The following SYNE3 variants were observed in gnomAD, a reference collection of about 807,000 sequenced individuals.
SYNE3 encodes nesprin-3.
Under a neutral mutation model 111.2 loss-of-function variants are expected in SYNE3, and 100 were observed. The ratio of observed to expected loss-of-function variants is 0.90; its 90% CI spans 0.77 to 1.06. The LOEUF (loss-of-function observed/expected upper bound fraction) is 1.06. Among genes scored for constraint, SYNE3 ranks in the 50% least tolerant of loss-of-function variants. The probability of loss-of-function intolerance (pLI) is 0.00; values close to 1 mark genes in which losing one functional copy is unlikely to be tolerated. For synonymous variants in SYNE3, 547 were observed against 533.9 expected, an observed-to-expected ratio of 1.02 and a Z score of -0.34; for missense variants, 1,160 against 1,240.3, an observed-to-expected ratio of 0.94 and a Z score of 0.97.
intron 14 of SYNE3, among the ~76,000 whole-genome samples, chr14:95,437,602 C>A (rs183131561): frequency 3.0e-4 from 46 of 152,324 alleles, no homozygotes; most frequent in African/African-American, 1.1e-3. Context: ...GGTCCTGGAC[C>A]TAGGAACTGC....
chr14:95,469,928 C>T (rs938339996), intron 2 of SYNE3, among the ~76,000 whole-genome samples: 2 of 152,110 alleles, frequency 1.3e-5, no homozygotes, highest in African/African-American at 4.8e-5. Flanking sequence ...AAGGACTTCC[C>T]CTCCTACCTT....
chr14:95,499,740 C>T (rs1027663605), intron 1 of SYNE3, among the ~76,000 whole-genome samples: 1 of 152,120 alleles, frequency 6.6e-6, no homozygotes, highest in African/African-American at 2.4e-5. Context: ...CCTTTCTTCT[C>T]CCCAGCAGTC....
intron 3 of SYNE3, 86 bp from the exon 4 acceptor site, chr14:95,466,326 T>G: frequency 7.0e-7 from 1 of 1,424,796 alleles, no homozygotes; most frequent in Non-Finnish European, 9.4e-7. Flanking sequence ...CCCTCCCCAA[T>G]ACTAGGGGGC....
chr14:95,429,386 G>A (rs1269543209), intron 17 of SYNE3, among the ~76,000 whole-genome samples: 1 of 152,218 alleles, frequency 6.6e-6, no homozygotes, highest in Non-Finnish European at 1.5e-5. Flanking sequence ...AACCCAGAGT[G>A]TAAAGTGGTG....
chr14:95,463,764 C>T (rs907866102), intron 4 of SYNE3, among the ~76,000 whole-genome samples: 4 of 152,246 alleles, frequency 2.6e-5, no homozygotes, highest in African/African-American at 9.6e-5. Context: ...CTCTCTGGGG[C>T]CCTGCGGGTT....
In SYNE3 at chr14:95,439,179, AGCCC is replaced by A; in HGVS notation, c.2247-21_2247-18del. On this transcript the variant is annotated intron_variant, in intron 13 of 17. Coordinates refer to ENST00000682763, the MANE Select transcript of SYNE3 (RefSeq NM_152592.6). ...CTGATGAGGCTGAGAAGACAAACTC[AGCCC>A]AGTCAATGCAGAGATGTGGTGGGGA... is the stretch of plus-strand genomic sequence containing the variant. 6.2e-7 allele frequency: 1 copy of A among 1,614,164 alleles called. No individual in the cohort carries two copies. The highest frequency in any genetic ancestry group is 8.5e-7 in the Non-Finnish European group (1 of 1,179,984).
chr14:95,477,741 T>A (rs1467104875), intron 1 of SYNE3, among the ~76,000 whole-genome samples: 2 of 109,012 alleles, frequency 1.8e-5, no homozygotes, highest in Admixed American at 8.8e-5. Context: ...TTCAGACCTG[T>A]TTTGACTTTT....
At chr14:95,428,685 T>C (rs566976569) in intron 17 of SYNE3, among the ~76,000 whole-genome samples, 1 of 152,330 alleles carries the variant, frequency 6.6e-6, no homozygotes, top group East Asian at 1.9e-4. Flanking sequence ...TGCAATATAG[T>C]TGACTCACAG....
chr14:95,468,112 GT>G, intron 2 of SYNE3, 145 bp from the exon 3 acceptor site: 1 of 1,013,564 alleles, frequency 9.9e-7, no homozygotes, highest in Non-Finnish European at 1.4e-6. Flanking sequence ...ACCCCTTCTT[GT>G]GGGGTCTTGG....
chr14:95,439,354 C>T (rs542216198), intron 13 of SYNE3, among the ~76,000 whole-genome samples, 192 bp from the exon 14 acceptor site: 8 of 152,344 alleles, frequency 5.3e-5, no homozygotes, highest in African/African-American at 1.4e-4. Context: ...CATGAACGTG[C>T]GTACGCCCAT....
chr14:95,439,097 T>C lies in SYNE3; in HGVS notation c.2312A>G (p.Asn771Ser), dbSNP rs141609511. 5 of 1,614,162 alleles carry C rather than the reference T, an allele frequency of 3.1e-6. No individual in the cohort carries two copies. Among genetic ancestry groups the C allele is most frequent in the Non-Finnish European group, 4.2e-6 (5 of 1,180,058 alleles). The change falls in exon 14 of 18, where the codon AAC becomes AGC. Residue 771 changes from asparagine (N) to serine (S), a missense_variant. Physicochemically the swap from Asn to Ser is conservative, Grantham distance 46. Coordinates refer to ENST00000682763, the MANE Select transcript of SYNE3 (RefSeq NM_152592.6). ...GAGAAATCCTGACTTTGGGATGTTGTTGGTGAAAACCATTTTCTTCCCCGA... is the reference window on the plus strand; with the variant it reads ...GAGAAATCCTGACTTTGGGATGTTGCTGGTGAAAACCATTTTCTTCCCCGA... ...VDSGKKMVFT[N>S]NIPKSGFLIN... is the part of the protein sequence containing the mutation.
At chr14:95,427,287 G>A (rs1276538263) in intron 17 of SYNE3, among the ~76,000 whole-genome samples, 5 of 152,120 alleles carry the variant, frequency 3.3e-5, no homozygotes, top group African/African-American at 7.2e-5. Context: ...GGAAACACCC[G>A]CCACTTAGCA....
At chr14:95,455,034 A>G (rs1887324234) in intron 6 of SYNE3, among the ~76,000 whole-genome samples, 1 of 152,160 alleles carries the variant, frequency 6.6e-6, no homozygotes, top group African/African-American at 2.4e-5. Flanking sequence ...ACGCAGAGGA[A>G]GCCCACACCT....
rs1247110991 is a variant in SYNE3, at chr14:95,417,893, G to T, written c.2861C>A (p.Thr954Asn). The T allele has an allele frequency of 6.2e-7, 1 of 1,614,248 alleles. No homozygotes were observed. Among genetic ancestry groups the T allele is most frequent in the Non-Finnish European group, 8.5e-7 (1 of 1,180,046 alleles). Residue 954 changes from threonine to asparagine, a missense_variant, in exon 18 of 18, where the codon ACC becomes AAC. Thr to Asn is a moderately conservative substitution (Grantham distance 65). Coordinates refer to ENST00000682763, the MANE Select transcript of SYNE3 (RefSeq NM_152592.6). ...LPIREEDRSC[T>N]LANNFARSFT... ...GGAGCGGGCGAAGTTGTTGGCCAGGGTGCAGCTGCGGTCCTCTTCCCTGAT... is the reference window on the plus strand; with the variant it reads ...GGAGCGGGCGAAGTTGTTGGCCAGGTTGCAGCTGCGGTCCTCTTCCCTGAT...
chr14:95,419,899 G>GGTA (rs367775159), intron 17 of SYNE3, among the ~76,000 whole-genome samples: 1 of 29,296 alleles, frequency 3.4e-5, no homozygotes, highest in Non-Finnish European at 5.9e-5. Context: ...TAGTGATGGT[G>GGTA]GTGGTGGTAG....
Position 95,467,446 on chromosome 14 carries a change from A to G in SYNE3, c.317+349T>C, listed in dbSNP as rs1336323268. ...CTCCCCACCACCCCCTGTCCCGGCC[A>G]ACCACCACCCAGCTTCCTGGTACAA... On this transcript the variant is annotated intron_variant, in intron 3 of 17. Transcript: ENST00000682763. Among the ~76,000 whole-genome samples, 9 of 152,166 alleles carry G rather than the reference A, an allele frequency of 5.9e-5. No homozygotes were observed. In the East Asian group the frequency reaches 1.7e-3, roughly 29 times the overall value.
chr14:95,440,117 G>T, intron 11 of SYNE3, 42 bp from the exon 12 acceptor site: 1 of 1,548,870 alleles, frequency 6.5e-7, no homozygotes, highest in Non-Finnish European at 8.7e-7. Flanking sequence ...CTGAGTGCTG[G>T]CCGAGGGGGA....
chr14:95,428,766 T>C (rs1458854990), intron 17 of SYNE3, among the ~76,000 whole-genome samples: 1 of 152,206 alleles, frequency 6.6e-6, no homozygotes, highest in Non-Finnish European at 1.5e-5. Context: ...CCCGCAGCAG[T>C]GAGTTGGCAA....
At chr14:95,513,631 A>T (rs1054751611) in intron 1 of SYNE3, among the ~76,000 whole-genome samples, 1 of 151,456 alleles carries the variant, frequency 6.6e-6, no homozygotes, top group Non-Finnish European at 1.5e-5. Context: ...CAGCCCCAGA[A>T]CATCATCCCT....
Sources: gnomAD v4.1 joint callset for allele counts (sites outside exome capture counted in the v4.1 genomes callset) on GRCh38, gnomAD v4.1.1 for gene constraint, MANE v1.5 for transcripts, NCBI Gene and HGNC (gene_info 2026-07-23, HGNC 2026-07-21) for gene names.